Variants in GRIA4 observed in about 807,000 individuals in gnomAD.
GRIA4 encodes glutamate ionotropic receptor AMPA type subunit 4.
A neutral mutation model predicts 104.0 loss-of-function variants in GRIA4; 34 were observed. That is an observed-to-expected ratio of 0.33 (90% CI 0.25 to 0.44). The LOEUF is 0.44. GRIA4 is among the 20% of genes least tolerant of loss of function. GRIA4 has a pLI of 1.00. For missense variants in GRIA4, 750 were observed against 1,096.5 expected (o/e 0.68, Z 4.46); for synonymous variants, 386 against 381.9 (o/e 1.01, Z -0.13).
At chr11:105,681,361 G>C (rs958337802) in intron 3 of GRIA4, among the ~76,000 whole-genome samples, 2 of 152,168 alleles carry the variant, frequency 1.3e-5, no homozygotes, top group African/African-American at 4.8e-5. Context: ...TGAAGTTCAT[G>C]ATATTCCTTT....
At position 105,746,881 on chromosome 11, in the gene GRIA4, C is replaced by T. The variant is rs142506130; in HGVS notation, c.248-6100C>T. ...ATTCTCAAGGCCTTGAACCAACAAT[C>T]GGCAAAAAGCTGGAAATGAGATCAC... On this transcript the variant is annotated intron_variant, in intron 3 of 16. Transcript: ENST00000282499. Among the ~76,000 whole-genome samples the T allele has an allele frequency of 4.6e-3, 703 of 152,008 alleles. 12 individuals carry two copies. Among genetic ancestry groups the T allele is most frequent in the African/African-American group, 0.016 (655 of 41,466 alleles).
At chr11:105,929,959 AT>A (rs1947826064) in intron 13 of GRIA4, among the ~76,000 whole-genome samples, 1 of 152,078 alleles carries the variant, frequency 6.6e-6, no homozygotes, top group African/African-American at 2.4e-5. Context: ...TCGATCTGAG[AT>A]TAATTTTCTA....
chr11:105,637,167 AT>A (rs1359465456), intron 3 of GRIA4, among the ~76,000 whole-genome samples: 2 of 150,148 alleles, frequency 1.3e-5, no homozygotes, highest in African/African-American at 4.9e-5. Flanking sequence ...AAGCTAGATA[AT>A]TTTAATGATA....
intron 3 of GRIA4, among the ~76,000 whole-genome samples, chr11:105,667,685 T>C (rs1952210760): frequency 6.6e-6 from 1 of 151,984 alleles, no homozygotes; most frequent in Non-Finnish European, 1.5e-5. Context: ...TTCACCTTTA[T>C]TGAGGTATAG....
At chr11:105,710,751 G>A (rs1206205700) in intron 3 of GRIA4, among the ~76,000 whole-genome samples, 1 of 152,094 alleles carries the variant, frequency 6.6e-6, no homozygotes. Context: ...GTGTAAAAGG[G>A]AGTCAAAGAC....
intron 3 of GRIA4, among the ~76,000 whole-genome samples, chr11:105,728,643 T>TA (rs1198458365): frequency 6.6e-6 from 1 of 152,150 alleles, no homozygotes. Flanking sequence ...ACAGAAATTA[T>TA]AACAAACAGT....
chr11:105,863,766 A>G (rs781186915), intron 5 of GRIA4, among the ~76,000 whole-genome samples: 6 of 152,180 alleles, frequency 3.9e-5, no homozygotes, highest in Non-Finnish European at 5.9e-5. Flanking sequence ...AGTAAGGCTC[A>G]GAAAGACCCT....
chr11:105,633,147 G>A (rs777303812), intron 3 of GRIA4, among the ~76,000 whole-genome samples: 11 of 152,090 alleles, frequency 7.2e-5, no homozygotes, highest in Admixed American at 3.3e-4. Context: ...GCTCACTAAC[G>A]ACTCAATGAA....
intron 4 of GRIA4, among the ~76,000 whole-genome samples, chr11:105,818,885 C>T (rs572094749): frequency 5.8e-4 from 89 of 152,250 alleles, no homozygotes; most frequent in African/African-American, 2.0e-3. Flanking sequence ...TGTTTTGAAA[C>T]TTAACTAATC....
At chr11:105,841,206 G>A (rs984207272) in intron 4 of GRIA4, among the ~76,000 whole-genome samples, 4 of 150,880 alleles carry the variant, frequency 2.7e-5, no homozygotes, top group African/African-American at 7.3e-5. Flanking sequence ...CACCTGAACC[G>A]AAGATAACGT....
intron 3 of GRIA4, among the ~76,000 whole-genome samples, chr11:105,640,049 AT>A (rs1951316661): frequency 6.6e-6 from 1 of 151,938 alleles, no homozygotes; most frequent in African/African-American, 2.4e-5. Flanking sequence ...GGTAGATAAT[AT>A]TTTTATTATG....
intron 5 of GRIA4, among the ~76,000 whole-genome samples, chr11:105,863,587 G>T (rs1945305133): frequency 6.6e-6 from 1 of 152,070 alleles, no homozygotes; most frequent in African/African-American, 2.4e-5. Flanking sequence ...AAGCAATACA[G>T]CCACTTTACC....
At chr11:105,653,646 G>C (rs912763515) in intron 3 of GRIA4, among the ~76,000 whole-genome samples, 1 of 152,140 alleles carries the variant, frequency 6.6e-6, no homozygotes, top group Non-Finnish European at 1.5e-5. Context: ...GGTTATATTA[G>C]GGTGAACGTG....
At chr11:105,693,563 T>C (rs1953164714) in intron 3 of GRIA4, among the ~76,000 whole-genome samples, 1 of 152,226 alleles carries the variant, frequency 6.6e-6, no homozygotes, top group Non-Finnish European at 1.5e-5. Context: ...TTTTCCTGCA[T>C]ATTTACACAG....
chr11:105,834,724 T>TTG (rs1944111465), intron 4 of GRIA4, among the ~76,000 whole-genome samples: 2 of 151,668 alleles, frequency 1.3e-5, no homozygotes, highest in South Asian at 4.2e-4. Flanking sequence ...TTTTTTTTTT[T>TTG]TTTTTTGCTA....
At chr11:105,919,054 A>G in intron 11 of GRIA4, 136 bp downstream of exon 11, 1 of 593,744 alleles carries the variant, frequency 1.7e-6, no homozygotes, top group Non-Finnish European at 3.0e-6. Flanking sequence ...CAGTGTTTAA[A>G]TCTTTCTCTA....
intron 3 of GRIA4, among the ~76,000 whole-genome samples, chr11:105,634,616 T>C (rs985196512): frequency 6.6e-6 from 1 of 152,158 alleles, no homozygotes; most frequent in Non-Finnish European, 1.5e-5. Context: ...CTATGAATAC[T>C]TTACTACTTG....
intron 4 of GRIA4, among the ~76,000 whole-genome samples, chr11:105,813,821 C>A (rs1187627042): frequency 1.3e-5 from 2 of 152,012 alleles, no homozygotes; most frequent in African/African-American, 4.8e-5. Context: ...ACAAGATAGA[C>A]AATGACAGAT....
intron 16 of GRIA4, among the ~76,000 whole-genome samples, chr11:105,978,319 TC>T (rs1260566503): frequency 1.3e-5 from 2 of 150,632 alleles, no homozygotes; most frequent in African/African-American, 4.9e-5. Context: ...TTCCTTGATT[TC>T]TAAATATAAA....
Sources: allele counts gnomAD v4.1 joint callset (sites outside exome capture counted in the v4.1 genomes callset), GRCh38; gene constraint gnomAD v4.1.1; transcripts MANE v1.5; gene names NCBI Gene and HGNC (gene_info 2026-07-23, HGNC 2026-07-21).